Variants in PRKG1 observed in about 807,000 individuals in gnomAD.
PRKG1 encodes protein kinase cGMP-dependent 1, also known as cGMP-dependent protein kinase 1.
In PRKG1, 35 loss-of-function variants were observed where a neutral mutation model predicts 88.1. The observed-to-expected ratio is 0.40, with a 90% CI of 0.30 to 0.53. The LOEUF is 0.53. Among genes scored for constraint, PRKG1 ranks in the 20% least tolerant of loss-of-function variants. The pLI, the probability that PRKG1 is intolerant of heterozygous loss-of-function variation, is 0.59. For synonymous variants in PRKG1, 303 were observed against 292.5 expected, an observed-to-expected ratio of 1.04 and a Z score of -0.37; for missense variants, 540 against 839.8, an observed-to-expected ratio of 0.64 and a Z score of 4.41.
At chr10:51,134,624 C>A (rs976978417) in intron 1 of PRKG1, among the ~76,000 whole-genome samples, 1 of 151,996 alleles carries the variant, frequency 6.6e-6, no homozygotes, top group Non-Finnish European at 1.5e-5. Context: ...CCTTTTCTAT[C>A]GTAGATTTAA....
intron 3 of PRKG1, among the ~76,000 whole-genome samples, chr10:51,507,806 A>C (rs1841269961): frequency 6.6e-6 from 1 of 152,144 alleles, no homozygotes; most frequent in African/African-American, 2.4e-5. Flanking sequence ...TACACCATCG[A>C]AGATGTTCTC....
At chr10:51,396,030 A>C (rs1485383731) in intron 2 of PRKG1, among the ~76,000 whole-genome samples, 1 of 152,158 alleles carries the variant, frequency 6.6e-6, no homozygotes, top group African/African-American at 2.4e-5. Flanking sequence ...TATTATGTAC[A>C]TAACACTTTT....
At chr10:51,327,895 A>G (rs1005982820) in intron 2 of PRKG1, among the ~76,000 whole-genome samples, 1 of 152,216 alleles carries the variant, frequency 6.6e-6, no homozygotes, top group Non-Finnish European at 1.5e-5. Flanking sequence ...AAAAAATGAT[A>G]GTTTGAAGTA....
In PRKG1 at chr10:51,734,032, C is replaced by T. The variant is rs73345314; in HGVS notation, c.593-70553C>T. 5.8e-3 allele frequency among the ~76,000 whole-genome samples: 886 copies of T among 152,046 alleles called. 7 individuals carry two copies. The highest frequency in any genetic ancestry group is 0.02 in the African/African-American group (837 of 41,478). ...AAACAAAATGTTTCTATAACAGGTT[C>T]TTGTGATCACCTTTTTAAAAAAAGT... On this transcript the variant is annotated intron_variant, in intron 3 of 17. Coordinates refer to ENST00000373980, the MANE Select transcript of PRKG1 (RefSeq NM_006258.4).
At chr10:52,059,598 G>A (rs1014333460) in intron 6 of PRKG1, among the ~76,000 whole-genome samples, 3 of 151,836 alleles carry the variant, frequency 2.0e-5, no homozygotes, top group Non-Finnish European at 4.4e-5. Flanking sequence ...TTAGTTTGAT[G>A]CAGAACAGAC....
At chr10:52,249,246 C>T (rs1345728033) in intron 9 of PRKG1, among the ~76,000 whole-genome samples, 4 of 151,430 alleles carry the variant, frequency 2.6e-5, no homozygotes, top group Non-Finnish European at 5.9e-5. Context: ...AATGTCTCAT[C>T]CTCAGACTCA....
At chr10:51,334,176 CT>C (rs1477813086) in intron 2 of PRKG1, among the ~76,000 whole-genome samples, 5 of 151,362 alleles carry the variant, frequency 3.3e-5, no homozygotes, top group Admixed American at 2.0e-4. Flanking sequence ...CTCTCTCTCT[CT>C]CTCTCTCTCT....
chr10:52,156,141 C>CAG (rs955353663), intron 8 of PRKG1, among the ~76,000 whole-genome samples: 1 of 151,912 alleles, frequency 6.6e-6, no homozygotes, highest in Admixed American at 6.6e-5. Context: ...CACAGACAAA[C>CAG]ATCTAATACT....
intron 7 of PRKG1, among the ~76,000 whole-genome samples, chr10:52,084,213 T>C (rs1846853564): frequency 6.6e-6 from 1 of 152,008 alleles, no homozygotes; most frequent in Admixed American, 6.6e-5. Context: ...TAAGGTTTTC[T>C]TACTGCTGTA....
intron 1 of PRKG1, among the ~76,000 whole-genome samples, chr10:51,016,886 C>T (rs1012170583): frequency 6.6e-6 from 1 of 151,090 alleles, no homozygotes; most frequent in Admixed American, 6.6e-5. Flanking sequence ...CCAGTAGGGT[C>T]GCAATCTCCT....
intron 9 of PRKG1, among the ~76,000 whole-genome samples, chr10:52,214,970 T>G (rs528677310): frequency 8.1e-4 from 123 of 151,692 alleles, no homozygotes; most frequent in African/African-American, 2.8e-3. Context: ...AACTTTAATA[T>G]GCATTTTAAG....
At chr10:52,283,314 GA>G (rs1323610086) in intron 14 of PRKG1, among the ~76,000 whole-genome samples, 1 of 151,930 alleles carries the variant, frequency 6.6e-6, no homozygotes, top group Non-Finnish European at 1.5e-5. Context: ...AAGGGCAATG[GA>G]AAAAAAGAGT....
chr10:51,505,949 GT>G (rs34194744), intron 3 of PRKG1, among the ~76,000 whole-genome samples: 1 of 151,748 alleles, frequency 6.6e-6, no homozygotes, highest in African/African-American at 2.4e-5. Flanking sequence ...ATTTTGAAGG[GT>G]TTTTTTGTGT....
chr10:52,192,704 G>T (rs536741731), intron 9 of PRKG1, among the ~76,000 whole-genome samples: 6 of 151,862 alleles, frequency 4.0e-5, no homozygotes, highest in Admixed American at 1.3e-4. Flanking sequence ...AGCCTCCACA[G>T]AATTGGTAAC....
intron 2 of PRKG1, among the ~76,000 whole-genome samples, chr10:51,158,855 A>G (rs1298579493): frequency 1.3e-5 from 2 of 152,054 alleles, no homozygotes; most frequent in Admixed American, 6.6e-5. Flanking sequence ...TCAAGTTATT[A>G]CACAAATGAC....
intron 7 of PRKG1, among the ~76,000 whole-genome samples, chr10:52,103,515 T>C (rs1158080011): frequency 6.6e-6 from 1 of 152,158 alleles, no homozygotes; most frequent in Non-Finnish European, 1.5e-5. Context: ...TTTATGACTT[T>C]AACAGCATTT....
chr10:51,571,598 A>ACAGG (rs1208736496), intron 3 of PRKG1, among the ~76,000 whole-genome samples: 1 of 151,910 alleles, frequency 6.6e-6, no homozygotes, highest in Non-Finnish European at 1.5e-5. Context: ...GCTCTTGGGT[A>ACAGG]CAGGCAGGTG....
At chr10:52,028,783 G>A (rs1355050849) in intron 5 of PRKG1, among the ~76,000 whole-genome samples, 2 of 152,164 alleles carry the variant, frequency 1.3e-5, no homozygotes, top group African/African-American at 2.4e-5. Context: ...GTCCATGATT[G>A]TGGAATATTA....
At chr10:51,729,074 G>T (rs112147476) in intron 3 of PRKG1, among the ~76,000 whole-genome samples, 71 of 152,220 alleles carry the variant, frequency 4.7e-4, no homozygotes, top group African/African-American at 1.6e-3. Context: ...TCTTGAGGAA[G>T]GCCATCAGCA....
Sources: gnomAD v4.1 joint callset for allele counts (sites outside exome capture counted in the v4.1 genomes callset) on GRCh38, gnomAD v4.1.1 for gene constraint, MANE v1.5 for transcripts, NCBI Gene and HGNC (gene_info 2026-07-23, HGNC 2026-07-21) for gene names.